Variants in KIF26B observed in about 807,000 individuals in gnomAD.
The protein encoded by KIF26B is kinesin family member 26B, also known as kinesin-like protein KIF26B.
KIF26B carries 63 observed loss-of-function variants against 151.2 expected under a neutral mutation model. That is an observed-to-expected ratio of 0.42 (90% CI 0.34 to 0.51). The LOEUF is 0.51. Among genes scored for constraint, KIF26B ranks in the 20% least tolerant of loss-of-function variants. The probability of loss-of-function intolerance (pLI) is 0.07; values close to 1 mark genes in which losing one functional copy is unlikely to be tolerated. For synonymous variants in KIF26B, 1,357 were observed against 1,262.1 expected (o/e 1.08, Z -1.59); for missense variants, 2,813 against 2,913.6 (o/e 0.97, Z 0.79).
chr1:245,515,143 C>T (rs907255338), intron 4 of KIF26B, among the ~76,000 whole-genome samples: 10 of 152,194 alleles, frequency 6.6e-5, no homozygotes, highest in Non-Finnish European at 1.2e-4. Flanking sequence ...TTCCATGCTA[C>T]AGCCCTAGAT....
In KIF26B at chr1:245,688,133, C is replaced by T. The variant is rs750857294; in HGVS notation, c.5150C>T (p.Ser1717Leu). Residue 1717 changes from serine (S) to leucine (L), a missense_variant, in exon 12 of 15, where the codon TCG (serine) becomes TTG (leucine). This residue lies in a region of KIF26B where 2,060 missense variants were observed against 2,088.6 expected (regional missense o/e 0.99). Transcript: ENST00000407071. ...GRSLGRSAGT[S>L]PPSSGASPKA... ...AGCCTGGGCCGCAGCGCCGGGACCT[C>T]GCCCCCCAGCTCCGGGGCCTCGCCC... The T allele has an allele frequency of 9.5e-6, 15 of 1,586,500 alleles. No homozygotes were observed. Among genetic ancestry groups the T allele is most frequent in the South Asian group, 4.5e-5 (4 of 88,322 alleles).
chr1:245,582,898 C>T (rs936862350), intron 5 of KIF26B, among the ~76,000 whole-genome samples: 5 of 152,132 alleles, frequency 3.3e-5, no homozygotes, highest in African/African-American at 9.7e-5. Context: ...ATGAGTGACA[C>T]GGAGCATGAG....
intron 12 of KIF26B, among the ~76,000 whole-genome samples, chr1:245,690,196 T>C (rs143805054): frequency 1.9e-3 from 282 of 152,106 alleles, no homozygotes; most frequent in African/African-American, 6.4e-3. Flanking sequence ...AAAAAATAAA[T>C]GAAATTTACG....
chr1:245,183,551 T>G (rs1041635181), intron 2 of KIF26B, among the ~76,000 whole-genome samples: 23 of 152,230 alleles, frequency 1.5e-4, no homozygotes, highest in African/African-American at 4.8e-4. Context: ...GATTTTCTTT[T>G]CTGTCCTTCA....
chr1:245,550,295 C>T (rs1661847705), intron 5 of KIF26B, among the ~76,000 whole-genome samples: 1 of 152,228 alleles, frequency 6.6e-6, no homozygotes, highest in South Asian at 2.1e-4. Flanking sequence ...GTTATTTTCT[C>T]GCTGAAATCG....
At chr1:245,316,052 C>A (rs1671767540) in intron 2 of KIF26B, among the ~76,000 whole-genome samples, 1 of 152,226 alleles carries the variant, frequency 6.6e-6, no homozygotes, top group East Asian at 1.9e-4. Flanking sequence ...AGACCACAGC[C>A]TGTTTCATGT....
At chr1:245,498,330 C>T (rs1660552082) in intron 4 of KIF26B, among the ~76,000 whole-genome samples, 1 of 152,188 alleles carries the variant, frequency 6.6e-6, no homozygotes. Flanking sequence ...GTTTATCAGT[C>T]TTGGCTCCGT....
At chr1:245,291,709 T>C (rs1029665135) in intron 2 of KIF26B, among the ~76,000 whole-genome samples, 2 of 152,188 alleles carry the variant, frequency 1.3e-5, no homozygotes, top group African/African-American at 4.8e-5. Flanking sequence ...TAGAAACAGG[T>C]AACAGAGGGG....
chr1:245,395,559 G>A (rs1006442926), intron 3 of KIF26B, among the ~76,000 whole-genome samples: 3 of 152,156 alleles, frequency 2.0e-5, no homozygotes, highest in East Asian at 1.9e-4. Context: ...TAGACCCGGC[G>A]GGGTGCTGAG....
intron 4 of KIF26B, among the ~76,000 whole-genome samples, chr1:245,536,097 A>AT (rs898580272): frequency 6.6e-6 from 1 of 152,144 alleles, no homozygotes; most frequent in Non-Finnish European, 1.5e-5. Context: ...AGGAAGCTGG[A>AT]TGTTCAAACT....
chr1:245,539,964 G>A (rs1661575267), intron 4 of KIF26B, among the ~76,000 whole-genome samples: 1 of 152,080 alleles, frequency 6.6e-6, no homozygotes, highest in Non-Finnish European at 1.5e-5. Flanking sequence ...AGATTATCAT[G>A]TTTTAAGTGT....
chr1:245,407,165 G>A (rs1454584512), intron 3 of KIF26B, among the ~76,000 whole-genome samples: 1 of 152,164 alleles, frequency 6.6e-6, no homozygotes, highest in Non-Finnish European at 1.5e-5. Flanking sequence ...GTCAGTTTGT[G>A]CATTTCATCT....
chr1:245,701,632 TATCTC>T (rs150750593), intron 14 of KIF26B, among the ~76,000 whole-genome samples: 2 of 152,098 alleles, frequency 1.3e-5, no homozygotes, highest in Non-Finnish European at 2.9e-5. Flanking sequence ...TGTTCATTAT[TATCTC>T]ATTTTATTCT....
intron 5 of KIF26B, among the ~76,000 whole-genome samples, chr1:245,545,802 A>AGTCAGC (rs11282899): frequency 9.2e-4 from 140 of 151,402 alleles, no homozygotes; most frequent in African/African-American, 2.9e-3. Context: ...CTCCTAAGTC[A>AGTCAGC]GTTCTTCATG....
intron 5 of KIF26B, among the ~76,000 whole-genome samples, chr1:245,598,291 A>T (rs1208513983): frequency 6.6e-6 from 1 of 152,166 alleles, no homozygotes. Context: ...AAGCTCATGC[A>T]TGAGAAGCGC....
chr1:245,657,210 A>G lies in KIF26B; in HGVS notation c.2258+10930A>G, dbSNP rs769725044. 2.0e-5 allele frequency among the ~76,000 whole-genome samples: 3 copies of G among 152,186 alleles called. No individual in the cohort carries two copies. In the South Asian group the frequency reaches 6.2e-4, roughly 32 times the overall value. ...CATTTTTTTAGTTTTGTGCCCTGAC[A>G]TGCCCATTTTTCTGAGGGTCAAATG... On this transcript the variant is annotated intron_variant, in intron 10 of 14. Coordinates refer to ENST00000407071, the MANE Select transcript of KIF26B (RefSeq NM_018012.4).
chr1:245,432,822 C>G (rs998636197), intron 4 of KIF26B, among the ~76,000 whole-genome samples: 2 of 152,086 alleles, frequency 1.3e-5, no homozygotes, highest in African/African-American at 4.8e-5. Flanking sequence ...GTTGAGGGTA[C>G]AAGAAGGAGG....
intron 5 of KIF26B, among the ~76,000 whole-genome samples, chr1:245,548,744 AC>A (rs1203313598): frequency 1.8e-5 from 2 of 108,570 alleles, no homozygotes; most frequent in Admixed American, 8.9e-5. Flanking sequence ...CCATTTTGCA[AC>A]TTTTTTTTTT....
At chr1:245,661,562 T>TTATA (rs550631263) in intron 10 of KIF26B, among the ~76,000 whole-genome samples, 29 of 149,798 alleles carry the variant, frequency 1.9e-4, no homozygotes, top group African/African-American at 5.9e-4. Context: ...ACACCCAATG[T>TTATA]TATATATATA....
Sources: allele counts gnomAD v4.1 joint callset (sites outside exome capture counted in the v4.1 genomes callset), GRCh38; gene constraint gnomAD v4.1.1; regional missense constraint gnomAD v4.1.1; transcripts MANE v1.5; gene names NCBI Gene and HGNC (gene_info 2026-07-23, HGNC 2026-07-21).